The following NECAB2 variants were observed in gnomAD, a reference collection of about 807,000 sequenced individuals.
NECAB2 encodes N-terminal EF-hand calcium-binding protein 2.
In NECAB2, 68 loss-of-function variants were observed where a neutral mutation model predicts 51.9. The observed-to-expected ratio is 1.31, with a 90% CI of 1.08 to 1.60. The LOEUF is 1.60. Ranked by LOEUF, NECAB2 falls within the 40% of genes most tolerant of loss-of-function variation. The pLI, the probability that NECAB2 is intolerant of heterozygous loss-of-function variation, is 0.00. For synonymous variants in NECAB2, 329 were observed against 203.5 expected, an observed-to-expected ratio of 1.62 and a Z score of -5.25; for missense variants, 854 against 490.3, an observed-to-expected ratio of 1.74 and a Z score of -7.00.
At position 83,994,521 on chromosome 16, in the gene NECAB2, C is replaced by T; in HGVS notation, c.716-88C>T. The T allele has an allele frequency of 1.9e-6, 3 of 1,597,068 alleles. No individual in the cohort carries two copies. The African/African-American group carries it at 4.0e-5, about 21-fold the overall frequency. ...CTGGGGAGATGAGCAAGTTTGATGC[C>T]CCTGGAGGGGCTGGATGTTTCCAGC... On this transcript the variant is annotated intron_variant, in intron 7 of 12. Coordinates refer to ENST00000305202, the MANE Select transcript of NECAB2 (RefSeq NM_019065.3).
rs1159649533 is a variant in NECAB2 at position 83,984,227 on chromosome 16, C to T, written c.459+3100C>T. Among the ~76,000 whole-genome samples the T allele has an allele frequency of 2.0e-5, 3 of 151,740 alleles. No homozygotes were observed. The East Asian group carries it at 5.8e-4, about 30-fold the overall frequency. Reference sequence around the variant, plus strand: ...AGCCAGGATGGTCTCCATCTCCTGACCTCGTGATCTGTCCTCCTCGGCCTC... The same window carrying T: ...AGCCAGGATGGTCTCCATCTCCTGATCTCGTGATCTGTCCTCCTCGGCCTC... On this transcript the variant is annotated intron_variant, in intron 5 of 12. Transcript: ENST00000305202.
intron 5 of NECAB2, among the ~76,000 whole-genome samples, chr16:83,989,842 A>T (rs1332653684): frequency 6.6e-6 from 1 of 152,268 alleles, no homozygotes; most frequent in Admixed American, 6.5e-5. Context: ...TTTTCCCCAG[A>T]GTTCCGCTAA....
At chr16:83,998,182 C>G (rs759518063) in intron 9 of NECAB2, 23 bp from the exon 10 acceptor site, 7 of 1,601,278 alleles carry the variant, frequency 4.4e-6, no homozygotes, top group East Asian at 2.2e-5. Context: ...GAGCCCCACA[C>G]TGACTCCTGC....
chr16:83,983,585 CAT>C (rs2084515455), intron 5 of NECAB2, among the ~76,000 whole-genome samples: 1 of 152,088 alleles, frequency 6.6e-6, no homozygotes, highest in Non-Finnish European at 1.5e-5. Flanking sequence ...TTTAAATGAT[CAT>C]ATGATTTTTT....
intron 12 of NECAB2, among the ~76,000 whole-genome samples, 185 bp downstream of exon 12, chr16:84,002,101 G>C (rs1346856163): frequency 6.6e-6 from 1 of 152,164 alleles, no homozygotes; most frequent in Middle Eastern, 3.2e-3. Context: ...GCCTGCCAGA[G>C]CTTGCACCAG....
intron 3 of NECAB2, 107 bp from the exon 4 acceptor site, chr16:83,980,732 C>T: frequency 7.0e-7 from 1 of 1,429,184 alleles, no homozygotes; most frequent in Non-Finnish European, 9.6e-7. Context: ...GGCCAGCACA[C>T]AGGCTGCAAA....
chr16:83,972,054 C>G, intron 1 of NECAB2, 97 bp from the exon 2 acceptor site: 1 of 1,543,702 alleles, frequency 6.5e-7, no homozygotes, highest in Non-Finnish European at 8.9e-7. Flanking sequence ...CTAAGCTGCT[C>G]CTGGGAGAAG....
chr16:83,989,500 G>C (rs1172752604), intron 5 of NECAB2, among the ~76,000 whole-genome samples: 1 of 152,178 alleles, frequency 6.6e-6, no homozygotes, highest in Non-Finnish European at 1.5e-5. Context: ...TGAGAGCCCT[G>C]TTTTTCCTTG....
chr16:83,983,979 C>CTT (rs1555547054), intron 5 of NECAB2, among the ~76,000 whole-genome samples: 4 of 145,698 alleles, frequency 2.7e-5, no homozygotes, highest in African/African-American at 1.0e-4. Flanking sequence ...TTGTAAAATA[C>CTT]ATATATATAT....
At chr16:83,977,061 T>C (rs2084419659) in intron 2 of NECAB2, among the ~76,000 whole-genome samples, 1 of 152,244 alleles carries the variant, frequency 6.6e-6, no homozygotes, top group South Asian at 2.1e-4. Context: ...ACATGTGCAC[T>C]GACACTGGTC....
At chr16:83,993,633 TG>T (rs1334873280) in intron 6 of NECAB2, 83 of 140,526 alleles carry the variant, frequency 5.9e-4, no homozygotes, top group African/African-American at 2.7e-3. Context: ...TGTGTGTGTG[TG>T]TGTGTGTGTG....
At chr16:83,985,064 G>A (rs959558149) in intron 5 of NECAB2, among the ~76,000 whole-genome samples, 1 of 152,096 alleles carries the variant, frequency 6.6e-6, no homozygotes, top group African/African-American at 2.4e-5. Flanking sequence ...TGTTATCCCA[G>A]TACTTTGGGA....
chr16:83,971,578 G>C (rs112880334), intron 1 of NECAB2: 2 of 154,740 alleles, frequency 1.3e-5, no homozygotes, highest in African/African-American at 4.8e-5. Flanking sequence ...TAATGCAGCC[G>C]GAACTTCGTC....
chr16:84,000,475 C>T (rs1216677002), intron 10 of NECAB2, among the ~76,000 whole-genome samples: 5 of 152,104 alleles, frequency 3.3e-5, no homozygotes, highest in South Asian at 2.1e-4. Flanking sequence ...AGAGTGAGAC[C>T]CTATCTCAAA....
At chr16:83,991,391 G>A (rs1161353598) in intron 6 of NECAB2, among the ~76,000 whole-genome samples, 1 of 109,832 alleles carries the variant, frequency 9.1e-6, no homozygotes, top group African/African-American at 4.1e-5. Flanking sequence ...TTTTGAGATC[G>A]AGTCTTGCTC....
intron 6 of NECAB2, among the ~76,000 whole-genome samples, chr16:83,992,586 G>T (rs1369053703): frequency 6.6e-6 from 1 of 152,154 alleles, no homozygotes; most frequent in African/African-American, 2.4e-5. Context: ...TGGTTTGCTG[G>T]GGGACTGGGG....
At chr16:84,001,591 G>T (rs77788564) in intron 11 of NECAB2, among the ~76,000 whole-genome samples, 1 of 152,090 alleles carries the variant, frequency 6.6e-6, no homozygotes, top group Admixed American at 6.5e-5. Flanking sequence ...TGCAATGAGT[G>T]GGGGGATCCC....
Position 84,002,377 on chromosome 16 carries a change from C to CCAGCCCCTTCTTCTTGT in NECAB2, c.*32_*48dup, listed in dbSNP as rs1567682938. On this transcript the variant is annotated 3_prime_UTR_variant, in exon 13 of 13. Transcript: ENST00000305202. Reference sequence around the variant, plus strand: ...TCCCAGAGGCCCGTGGAGGAGCCCACCAGCCCCTTCTTCTTGTGAAGGAAA... The same window carrying CCAGCCCCTTCTTCTTGT: ...TCCCAGAGGCCCGTGGAGGAGCCCACCAGCCCCTTCTTCTTGTCAGCCCCTTCTTCTTGTGAAGGAAA... The CCAGCCCCTTCTTCTTGT allele has an allele frequency of 6.2e-7, 1 of 1,609,502 alleles. No homozygotes were observed. The highest frequency in any genetic ancestry group is 1.1e-5 in the South Asian group (1 of 90,974).
At chr16:83,996,140 G>A (rs1276619279) in intron 8 of NECAB2, among the ~76,000 whole-genome samples, 1 of 152,202 alleles carries the variant, frequency 6.6e-6, no homozygotes, top group African/African-American at 2.4e-5. Context: ...GGAGGCTCTA[G>A]GGGCCCCTGG....
Sources: allele counts gnomAD v4.1 joint callset (sites outside exome capture counted in the v4.1 genomes callset), GRCh38; gene constraint gnomAD v4.1.1; transcripts MANE v1.5; gene names NCBI Gene and HGNC (gene_info 2026-07-23, HGNC 2026-07-21).